The following STAG3 variants were observed in gnomAD, a reference collection of about 807,000 sequenced individuals.
STAG3 encodes the protein STAG3 cohesin complex component, also known as cohesin subunit SA-3.
A neutral mutation model predicts 160.7 loss-of-function variants in STAG3; 101 were observed. The observed-to-expected ratio is 0.63, with a 90% CI of 0.54 to 0.74. The LOEUF (loss-of-function observed/expected upper bound fraction) is 0.74, where lower values mean the gene tolerates loss of function less well. STAG3 is among the 30% of genes least tolerant of loss of function. The probability of loss-of-function intolerance (pLI) is 0.00; values close to 1 mark genes in which losing one functional copy is unlikely to be tolerated. For missense variants in STAG3, 1,188 were observed against 1,517.4 expected (o/e 0.78, Z 3.61); for synonymous variants, 519 against 585.0 (o/e 0.89, Z 1.63).
At chr7:100,184,718 G>A (rs1799886202) in intron 4 of STAG3, among the ~76,000 whole-genome samples, 1 of 151,898 alleles carries the variant, frequency 6.6e-6, no homozygotes, top group Admixed American at 6.6e-5. Flanking sequence ...CGCCGGCCTC[G>A]GCCTTCCAAA....
At chr7:100,208,913 G>C (rs952527218) in intron 29 of STAG3, among the ~76,000 whole-genome samples, 1 of 152,160 alleles carries the variant, frequency 6.6e-6, no homozygotes, top group Non-Finnish European at 1.5e-5. Flanking sequence ...TAAAAAATAA[G>C]TTAAAAGATA....
intron 8 of STAG3, among the ~76,000 whole-genome samples, chr7:100,191,764 A>G (rs13311107): frequency 2.6e-5 from 4 of 152,218 alleles, no homozygotes; most frequent in African/African-American, 9.6e-5. Flanking sequence ...TGCTGCATCT[A>G]CTGACTCTTC....
At chr7:100,203,767 GC>G (rs943491092) in intron 25 of STAG3, among the ~76,000 whole-genome samples, 29 of 152,146 alleles carry the variant, frequency 1.9e-4, no homozygotes, top group African/African-American at 7.0e-4. Context: ...ACCCGTCTTG[GC>G]CTCCCAAAGT....
chr7:100,183,284 GA>G (rs1460608559), intron 4 of STAG3, among the ~76,000 whole-genome samples: 1 of 152,192 alleles, frequency 6.6e-6, no homozygotes, highest in Non-Finnish European at 1.5e-5. Flanking sequence ...AAAGTGCTGG[GA>G]TTACAGGCGT....
chr7:100,189,069 C>T (rs540297640), intron 7 of STAG3, 53 bp downstream of exon 7: 10 of 1,585,934 alleles, frequency 6.3e-6, no homozygotes, highest in East Asian at 2.2e-5. Flanking sequence ...TAGGACTTTC[C>T]TCTGTTCTCT....
intron 5 of STAG3, among the ~76,000 whole-genome samples, chr7:100,187,368 T>TTTTTC (rs1800082962): frequency 6.6e-6 from 1 of 150,834 alleles, no homozygotes; most frequent in African/African-American, 2.4e-5. Context: ...TGTTGTTTTT[T>TTTTTC]GGCAGTTTTT....
In STAG3 at chr7:100,213,774, G is replaced by A; in HGVS notation, c.3640G>A (p.Asp1214Asn). 1 of 1,614,236 alleles carries A rather than the reference G, an allele frequency of 6.2e-7. No individual in the cohort carries two copies. The highest frequency in any genetic ancestry group is 8.5e-7 in the Non-Finnish European group (1 of 1,180,044). ...SYSSTSERGL[D>N]LLDSTELDIE... ...CTCTTCCACCAGTGAGCGCGGGCTGGACCTCTTAGATTCTACAGAGCTGGA... is the reference window on the plus strand; with the variant it reads ...CTCTTCCACCAGTGAGCGCGGGCTGAACCTCTTAGATTCTACAGAGCTGGA... Residue 1214 changes from aspartate to asparagine, a missense_variant, in exon 33 of 34, where the codon GAC becomes AAC. Transcript: ENST00000615138.
chr7:100,214,789 A>G (rs371288642), downstream of STAG3, among the ~76,000 whole-genome samples: 1 of 152,170 alleles, frequency 6.6e-6, no homozygotes, highest in East Asian at 1.9e-4. Flanking sequence ...ATCAAATCAC[A>G]GTATCTGAGA....
In STAG3 at chr7:100,204,647, G is replaced by A. The variant is rs140436161; in HGVS notation, c.2823G>A (p.Gln941=). ...SLKQLYTELL[Q]EHGPQGLNEL... ...CACAGCTGTACACAGAACTGCTGCA[G>A]GAGCATGGGCCCCAGGGCCTGAATG... is the stretch of plus-strand genomic sequence containing the variant. The change falls in exon 27 of 34, where the codon CAG becomes CAA. Residue 941 remains glutamine, a synonymous_variant. Coordinates refer to ENST00000615138, the MANE Select transcript of STAG3 (RefSeq NM_001282717.2). 8.5e-5 allele frequency: 137 copies of A among 1,614,040 alleles called. No homozygotes were observed. In the African/African-American group the frequency reaches 1.2e-3, roughly 15 times the overall value.
chr7:100,199,472 T>TG, intron 15 of STAG3, 69 bp from the exon 16 acceptor site: 1 of 1,554,330 alleles, frequency 6.4e-7, no homozygotes, highest in Non-Finnish European at 8.8e-7. Context: ...TGGCATCGGG[T>TG]GGGGGGAGCT....
rs548211372 is a variant in STAG3, at chr7:100,182,358, C to CA, written c.219+179dup. ...TGGGCGACAGAGCGAGACTCCGTCTCAAAAAAAAAAAAAGAAAAGAAAACC... is the reference window on the plus strand; with the variant it reads ...TGGGCGACAGAGCGAGACTCCGTCTCAAAAAAAAAAAAAAGAAAAGAAAACC... On this transcript the variant is annotated intron_variant, in intron 3 of 33. Coordinates refer to ENST00000615138, the MANE Select transcript of STAG3 (RefSeq NM_001282717.2). Among the ~76,000 whole-genome samples the CA allele has an allele frequency of 3.7e-3, 358 of 97,740 alleles. 4 individuals are homozygous for CA. In the South Asian group the frequency reaches 0.044, roughly 12 times the overall value. 64.1% of individuals were successfully genotyped at this position (97,740 alleles called of 152,430 possible). A position where few individuals can be genotyped will look rare whatever the true frequency, so the allele number is the denominator to read the frequency against.
chr7:100,201,818 TTCC>T lies in STAG3; in HGVS notation c.2254_2256del (p.Ser752del). On this transcript the variant is annotated inframe_deletion, in exon 22 of 34. Coordinates refer to ENST00000615138, the MANE Select transcript of STAG3 (RefSeq NM_001282717.2). ...TGCCAGCCTTGACTCTTGTCTATTTTTCCATTCTCTGGACACTAACCCACATTT... is the reference window on the plus strand; with the variant it reads ...TGCCAGCCTTGACTCTTGTCTATTTTATTCTCTGGACACTAACCCACATTT... The T allele has an allele frequency of 1.2e-6, 2 of 1,614,222 alleles. No homozygotes were observed. The highest frequency in any genetic ancestry group is 1.7e-6 in the Non-Finnish European group (2 of 1,180,038).
At chr7:100,196,916 A>C (rs1800727852) in intron 9 of STAG3, among the ~76,000 whole-genome samples, 1 of 152,186 alleles carries the variant, frequency 6.6e-6, no homozygotes, top group Non-Finnish European at 1.5e-5. Context: ...AGATGACTTG[A>C]ACCCAGGAGT....
chr7:100,181,405 A>G (rs546686295), intron 2 of STAG3: 2 of 152,244 alleles, frequency 1.3e-5, no homozygotes, highest in African/African-American at 4.8e-5. Context: ...TTGATAAGAC[A>G]TGTGGTTTAT....
chr7:100,201,685 C>T, intron 21 of STAG3, 101 bp from the exon 22 acceptor site: 3 of 990,844 alleles, frequency 3.0e-6, no homozygotes, highest in Non-Finnish European at 3.2e-6. Flanking sequence ...AATTAGCTCT[C>T]CCTTTACTCA....
At position 100,213,777 on chromosome 7, in the gene STAG3, C is replaced by T. The variant is rs1563014406; in HGVS notation, c.3643C>T (p.Leu1215Phe). 6.2e-7 allele frequency: 1 copy of T among 1,614,214 alleles called. No homozygotes were observed. The highest frequency in any genetic ancestry group is 2.2e-5 in the East Asian group (1 of 44,890). The change falls in exon 33 of 34, where the codon CTC becomes TTC. Residue 1215 changes from leucine to phenylalanine, a missense_variant. Around this residue, in one of 4 missense-constraint regions of STAG3, gnomAD observed 647 missense variants for 717.2 expected, o/e 0.90. Transcript: ENST00000615138. ...YSSTSERGLD[L>F]LDSTELDIED... Reference sequence around the variant, plus strand: ...TTCCACCAGTGAGCGCGGGCTGGACCTCTTAGATTCTACAGAGCTGGATAT... The same window carrying T: ...TTCCACCAGTGAGCGCGGGCTGGACTTCTTAGATTCTACAGAGCTGGATAT...
At chr7:100,209,592 GA>G (rs1801985065) in intron 29 of STAG3, among the ~76,000 whole-genome samples, 1 of 152,290 alleles carries the variant, frequency 6.6e-6, no homozygotes, top group East Asian at 1.9e-4. Context: ...CTGCTGTGTC[GA>G]AAACGACAGG....
intron 29 of STAG3, among the ~76,000 whole-genome samples, chr7:100,209,035 G>C (rs1275238886): frequency 1.3e-5 from 2 of 152,180 alleles, no homozygotes. Flanking sequence ...GGAAACCAGA[G>C]GGGACACTTA....
rs534118389 is a variant in STAG3, at chr7:100,192,425, G to A, written c.867+2829G>A. Among the ~76,000 whole-genome samples, 208 of 152,318 alleles carry A rather than the reference G, an allele frequency of 1.4e-3. 1 individual carries two copies. Among genetic ancestry groups the A allele is most frequent in the African/African-American group, 4.8e-3 (200 of 41,564 alleles). On this transcript the variant is annotated intron_variant, in intron 8 of 33. Coordinates refer to ENST00000615138, the MANE Select transcript of STAG3 (RefSeq NM_001282717.2). ...TGTAATCCCAGCTACTTGGGAGGCT[G>A]AAGCAGGAGAATTGCTTGAACCCAG...
Sources: gnomAD v4.1 joint callset for allele counts (sites outside exome capture counted in the v4.1 genomes callset) on GRCh38, gnomAD v4.1.1 for gene constraint, gnomAD v4.1.1 regional missense constraint, MANE v1.5 for transcripts, NCBI Gene and HGNC (gene_info 2026-07-23, HGNC 2026-07-21) for gene names.